Variants in VTCN1 observed in about 807,000 individuals in gnomAD.
VTCN1 encodes V-set domain containing T cell activation inhibitor 1.
A neutral mutation model predicts 26.5 loss-of-function variants in VTCN1; 26 were observed. The ratio of observed to expected loss-of-function variants is 0.98; its 90% CI spans 0.72 to 1.36. VTCN1 has a LOEUF of 1.36. Ranked by LOEUF, VTCN1 falls within the 40% of genes most tolerant of loss-of-function variation. The pLI is 0.00. For missense variants in VTCN1, 298 were observed against 337.7 expected (o/e 0.88, Z 0.92); for synonymous variants, 116 against 130.7 (o/e 0.89, Z 0.77).
rs748205077 is a variant in VTCN1, at chr1:117,199,386, C to T, written c.32+11438G>A. On this transcript the variant is annotated intron_variant, in intron 1 of 5. Transcript: ENST00000369458. Reference sequence around the variant, plus strand: ...TGTCTCCCAGGTTGGAGTGCAATGGCGCGATCTCTGCTCACTGCAAACTCT... The same window carrying T: ...TGTCTCCCAGGTTGGAGTGCAATGGTGCGATCTCTGCTCACTGCAAACTCT... 3.0e-4 allele frequency among the ~76,000 whole-genome samples: 45 copies of T among 152,252 alleles called. 1 individual carries two copies. The highest frequency in any genetic ancestry group is 3.4e-3 in the Middle Eastern group (1 of 294).
rs1256179363 is a variant in VTCN1 at position 117,183,987 on chromosome 1, A to G, written c.33-13816T>C. Reference sequence around the variant, plus strand: ...TTCAGAGCCATACCAAACACCAGAGACAAAGCTAAGGGGCCATTCAAGCTG... The same window carrying G: ...TTCAGAGCCATACCAAACACCAGAGGCAAAGCTAAGGGGCCATTCAAGCTG... On this transcript the variant is annotated intron_variant, in intron 1 of 5. Transcript: ENST00000369458. This position sits in a 1 kb window ranked among gnomAD's most constrained non-coding sequence, Gnocchi z 4.1. Among the ~76,000 whole-genome samples, 1 of 152,114 alleles carries G rather than the reference A, an allele frequency of 6.6e-6. No individual in the cohort carries two copies. The highest frequency in any genetic ancestry group is 1.5e-5 in the Non-Finnish European group (1 of 68,028).
intron 4 of VTCN1, among the ~76,000 whole-genome samples, chr1:117,150,663 G>A (rs1651740092): frequency 1.3e-5 from 2 of 152,162 alleles, no homozygotes; most frequent in African/African-American, 4.8e-5. Context: ...GCATTTTTAA[G>A]TGTACAGTTC....
At chr1:117,178,729 G>A (rs4659164) in intron 1 of VTCN1, among the ~76,000 whole-genome samples, 94,943 of 150,810 alleles carry the variant, frequency 0.63, 30,426 homozygotes, top group East Asian at 0.97. Context: ...GAGTAGCTGG[G>A]ACTACATACA....
At position 117,210,926 on chromosome 1, in the gene VTCN1, A is replaced by T. The variant is rs1256658420; in HGVS notation, c.-71T>A. 6.5e-7 allele frequency: 1 copy of T among 1,527,234 alleles called. No individual in the cohort carries two copies. The highest frequency in any genetic ancestry group is 9.1e-7 in the Non-Finnish European group (1 of 1,102,000). The allele number at this position is 1,527,234 out of a possible 1,614,324, so 94.6% of individuals were successfully genotyped here. ...CTGCCGCTGCCTTCCTTGGTGACTC[A>T]CAACCAGCTCCCGTGTATTGGCCTT... On this transcript the variant is annotated 5_prime_UTR_variant, in exon 1 of 6. Coordinates refer to ENST00000369458, the MANE Select transcript of VTCN1 (RefSeq NM_024626.4).
intron 1 of VTCN1, chr1:117,173,390 A>ACACACACAC: frequency 2.3e-6 from 1 of 444,148 alleles, no homozygotes; most frequent in African/African-American, 2.2e-5. Flanking sequence ...ACACACACAC[A>ACACACACAC]ACACCATGTA....
At chr1:117,164,795 G>C (rs1652530607) in intron 2 of VTCN1, among the ~76,000 whole-genome samples, 1 of 152,196 alleles carries the variant, frequency 6.6e-6, no homozygotes, top group Non-Finnish European at 1.5e-5. Context: ...TATGGTTAGG[G>C]GCCTTTCCAT....
In VTCN1 at chr1:117,146,797, G is replaced by A. The variant is rs139523731; in HGVS notation, c.*45+816C>T. On this transcript the variant is annotated intron_variant, in intron 5 of 5. Coordinates refer to ENST00000369458, the MANE Select transcript of VTCN1 (RefSeq NM_024626.4). The surrounding 1 kb of genome is among the most constrained non-coding windows in gnomAD (Gnocchi z 4.2). ...AGCAAAGGAAGGCTATGATGAAATC[G>A]TGTTTCAGAATACTTCGATTCTGGC... 9.2e-5 allele frequency among the ~76,000 whole-genome samples: 14 copies of A among 152,284 alleles called. No homozygotes were observed. The highest frequency in any genetic ancestry group is 2.9e-4 in the African/African-American group (12 of 41,564).
In VTCN1 at chr1:117,153,227, A is replaced by AAC; in HGVS notation, c.587_588insGT (p.Asn196LysfsTer7). ...TCTCAGAGTTCAGCTCAAAGCTGGT[A>AAC]TTGGAGACTTCCGAGAAGTTGGCTC... On this transcript the variant is annotated frameshift_variant, in exon 4 of 6. Transcript: ENST00000369458. LOFTEE classifies it high-confidence loss of function. 1 of 1,614,098 alleles carries AAC rather than the reference A, an allele frequency of 6.2e-7. No individual in the cohort carries two copies. The highest frequency in any genetic ancestry group is 8.5e-7 in the Non-Finnish European group (1 of 1,179,990).
Position 117,155,262 on chromosome 1 carries a change from A to C in VTCN1, c.445+1312T>G, listed in dbSNP as rs1234053111. On this transcript the variant is annotated intron_variant, in intron 3 of 5. Coordinates refer to ENST00000369458, the MANE Select transcript of VTCN1 (RefSeq NM_024626.4). This position sits in a 1 kb window ranked among gnomAD's most constrained non-coding sequence, Gnocchi z 4.8. The stretch of plus-strand genomic sequence containing the variant: ...AAGGTACATGCTGTTAACATGACTT[A>C]TTAATGATGTTAACCTGGATCACCT... 1.3e-5 allele frequency among the ~76,000 whole-genome samples: 2 copies of C among 152,166 alleles called. No individual in the cohort carries two copies. The highest frequency in any genetic ancestry group is 2.4e-5 in the African/African-American group (1 of 41,450).
In VTCN1 at chr1:117,144,332, C is replaced by G. The variant is rs765497987; in HGVS notation, c.*939G>C. On this transcript the variant is annotated 3_prime_UTR_variant, in exon 6 of 6. Transcript: ENST00000369458. ...TAGTAGCACTGTATCCTCCTCCACT[C>G]CCTCATTGAGGTAACCAAAATTGTC... 1 of 152,228 alleles carries G rather than the reference C, an allele frequency of 6.6e-6. No individual in the cohort carries two copies. The highest frequency in any genetic ancestry group is 1.5e-5 in the Non-Finnish European group (1 of 68,088). The allele number at this position is 152,228 out of a possible 1,614,324, so 9.4% of individuals were successfully genotyped here. A position where few individuals can be genotyped will look rare whatever the true frequency, so the allele number is the denominator to read the frequency against.
intron 1 of VTCN1, among the ~76,000 whole-genome samples, chr1:117,198,309 C>G (rs1648616058): frequency 6.6e-6 from 1 of 152,164 alleles, no homozygotes; most frequent in South Asian, 2.1e-4. Context: ...ACAGACAGCC[C>G]TATTAAAGGC....
At chr1:117,172,918 A>G (rs901312870) in intron 1 of VTCN1, among the ~76,000 whole-genome samples, 2 of 152,192 alleles carry the variant, frequency 1.3e-5, no homozygotes, top group African/African-American at 4.8e-5. Flanking sequence ...AGGCCAAATA[A>G]GGGAATAAAA....
At position 117,145,968 on chromosome 1, in the gene VTCN1, T is replaced by C. The variant is rs1651483718; in HGVS notation, c.*46-743A>G. On this transcript the variant is annotated intron_variant, in intron 5 of 5. Coordinates refer to ENST00000369458, the MANE Select transcript of VTCN1 (RefSeq NM_024626.4). The surrounding 1 kb of genome is among the most constrained non-coding windows in gnomAD (Gnocchi z 4.6). ...TACTTTAAAAAATCTACTTGATTTA[T>C]GGTTATTCCTCTATGGTGCCAGGGA... 6.6e-6 allele frequency among the ~76,000 whole-genome samples: 1 copy of C among 152,216 alleles called. No individual in the cohort carries two copies. Among genetic ancestry groups the C allele is most frequent in the Non-Finnish European group, 1.5e-5 (1 of 68,036 alleles).
chr1:117,198,709 G>C (rs1224486633), intron 1 of VTCN1, among the ~76,000 whole-genome samples: 2 of 152,130 alleles, frequency 1.3e-5, no homozygotes, highest in East Asian at 1.9e-4. Context: ...GAAAGATAAA[G>C]TAATTAAAAT....
intron 1 of VTCN1, among the ~76,000 whole-genome samples, chr1:117,209,531 G>A (rs1649256640): frequency 6.6e-6 from 1 of 152,192 alleles, no homozygotes; most frequent in Non-Finnish European, 1.5e-5. Context: ...CAAGGCAGTG[G>A]TGGACACGCT....
At chr1:117,158,135 T>G (rs1330930794) in intron 2 of VTCN1, among the ~76,000 whole-genome samples, 1 of 152,228 alleles carries the variant, frequency 6.6e-6, no homozygotes, top group East Asian at 1.9e-4. Flanking sequence ...CAGTGCAAGC[T>G]GTCAGTGGAT....
intron 1 of VTCN1, among the ~76,000 whole-genome samples, chr1:117,210,465 C>T (rs1453015306): frequency 2.0e-5 from 3 of 152,210 alleles, no homozygotes; most frequent in African/African-American, 7.2e-5. Context: ...TCCCACCATG[C>T]AACCCACACC....
intron 1 of VTCN1, among the ~76,000 whole-genome samples, chr1:117,201,294 A>AAC (rs1557879012): frequency 5.9e-5 from 9 of 152,154 alleles, no homozygotes; most frequent in Non-Finnish European, 1.3e-4. Context: ...TGAGACTGTC[A>AAC]TAGCCCAAGA....
chr1:117,160,840 A>T (rs1652329067), intron 2 of VTCN1, among the ~76,000 whole-genome samples: 1 of 152,112 alleles, frequency 6.6e-6, no homozygotes, highest in Admixed American at 6.6e-5. Context: ...TGACTCCTAG[A>T]CCTCTACAAA....
Sources: gnomAD v4.1 joint callset for allele counts (sites outside exome capture counted in the v4.1 genomes callset) on GRCh38, gnomAD v4.1.1 for gene constraint, Gnocchi (gnomAD v3.1) non-coding constraint, MANE v1.5 for transcripts, NCBI Gene and HGNC (gene_info 2026-07-23, HGNC 2026-07-21) for gene names.